ERC1: variants seen among roughly 807,000 people sequenced by gnomAD.
ERC1 encodes the protein ELKS/RAB6-interacting/CAST family member 1, also known as RAB6 interacting protein 2.
In ERC1, 56 loss-of-function variants were observed where a neutral mutation model predicts 132.0. The observed-to-expected ratio is 0.42, with a 90% CI of 0.34 to 0.53. ERC1 has a LOEUF of 0.53. ERC1 is among the 20% of genes least tolerant of loss of function. ERC1 has a pLI of 0.03. For synonymous variants in ERC1, 478 were observed against 476.1 expected (o/e 1.00, Z -0.05); for missense variants, 1,202 against 1,349.9 (o/e 0.89, Z 1.72).
chr12:1,059,825 G>A (rs541779863), intron 2 of ERC1, among the ~76,000 whole-genome samples: 3 of 152,228 alleles, frequency 2.0e-5, no homozygotes, highest in East Asian at 3.9e-4. Flanking sequence ...TCTGGTTTTC[G>A]CATCAAGGTA....
intron 6 of ERC1, among the ~76,000 whole-genome samples, chr12:1,114,212 T>C (rs992512028): frequency 3.3e-5 from 5 of 151,932 alleles, no homozygotes; most frequent in African/African-American, 1.2e-4. Context: ...TTAGTAGAGA[T>C]GGGTTTCACT....
chr12:1,296,176 A>G (rs1321046262), intron 15 of ERC1, among the ~76,000 whole-genome samples: 1 of 152,122 alleles, frequency 6.6e-6, no homozygotes, highest in East Asian at 1.9e-4. Flanking sequence ...ATGTTTTTAA[A>G]TACCAGCCAG....
At chr12:1,296,010 G>GAAAAA (rs77971645) in intron 15 of ERC1, among the ~76,000 whole-genome samples, 86 of 90,496 alleles carry the variant, frequency 9.5e-4, no homozygotes, top group African/African-American at 1.4e-3. Context: ...TGGTTTAACA[G>GAAAAA]AAAAAAAAAA....
chr12:1,039,349 AAAAT>A (rs1274790672), intron 2 of ERC1, among the ~76,000 whole-genome samples: 2 of 148,252 alleles, frequency 1.3e-5, no homozygotes, highest in African/African-American at 5.0e-5. Context: ...AAAAAAAAAA[AAAAT>A]AAAAATAAAT....
chr12:1,282,980 A>G (rs1010086310), intron 14 of ERC1, among the ~76,000 whole-genome samples: 1 of 152,180 alleles, frequency 6.6e-6, no homozygotes, highest in African/African-American at 2.4e-5. Context: ...TGGAAACTAC[A>G]AAAAGTGTTT....
intron 8 of ERC1, chr12:1,152,556 C>T (rs1319264631): frequency 1.3e-5 from 2 of 152,680 alleles, no homozygotes; most frequent in Non-Finnish European, 2.9e-5. Flanking sequence ...TGATGAACAA[C>T]ACAACCAAAA....
intron 14 of ERC1, among the ~76,000 whole-genome samples, chr12:1,278,414 A>G (rs896191195): frequency 3.3e-5 from 5 of 152,232 alleles, no homozygotes; most frequent in African/African-American, 1.2e-4. Flanking sequence ...GGAGGTTTAA[A>G]AACTCAATGT....
intron 16 of ERC1, among the ~76,000 whole-genome samples, chr12:1,395,763 C>T (rs895230659): frequency 5.3e-5 from 8 of 150,182 alleles, no homozygotes; most frequent in South Asian, 2.1e-4. Flanking sequence ...TTCTTAAGAA[C>T]GAGCAGATAG....
At chr12:1,382,143 C>T (rs1490108877) in intron 16 of ERC1, among the ~76,000 whole-genome samples, 3 of 152,190 alleles carry the variant, frequency 2.0e-5, no homozygotes, top group African/African-American at 7.2e-5. Context: ...CTAGATCCAA[C>T]TCTGTTGATA....
At chr12:1,255,639 T>TTG (rs2076758775) in intron 13 of ERC1, among the ~76,000 whole-genome samples, 1 of 133,246 alleles carries the variant, frequency 7.5e-6, no homozygotes, top group African/African-American at 2.9e-5. Flanking sequence ...TTTTTTTTTT[T>TTG]TTTTTTTTTT....
At chr12:1,302,403 G>A (rs1194478915) in intron 15 of ERC1, among the ~76,000 whole-genome samples, 2 of 152,130 alleles carry the variant, frequency 1.3e-5, no homozygotes, top group East Asian at 3.9e-4. Context: ...AATGATGTAA[G>A]CTGAACCCTG....
At chr12:1,388,999 A>C (rs1281379008) in intron 16 of ERC1, among the ~76,000 whole-genome samples, 1 of 152,180 alleles carries the variant, frequency 6.6e-6, no homozygotes, top group Non-Finnish European at 1.5e-5. Flanking sequence ...TAGCTCTTTC[A>C]GTATGAGGCC....
At chr12:1,296,216 T>C (rs1344610147) in intron 15 of ERC1, among the ~76,000 whole-genome samples, 2 of 151,944 alleles carry the variant, frequency 1.3e-5, no homozygotes, top group Non-Finnish European at 2.9e-5. Context: ...TAGTCCCAAC[T>C]ACTTGGGAGG....
In ERC1 at chr12:1,400,916, A is replaced by ATTATTATTATTATTAT. The variant is rs2090981093; in HGVS notation, c.2926-7231_2926-7230insATTATTATTATTATTT. Among the ~76,000 whole-genome samples the ATTATTATTATTATTAT allele has an allele frequency of 1.3e-4, 2 of 15,040 alleles. 1 individual carries two copies. The highest frequency in any genetic ancestry group is 6.2e-4 in the African/African-American group (2 of 3,232). The allele number at this position is 15,040 out of a possible 152,430, so 9.9% of individuals were successfully genotyped here. ...TCAATATTGTTTTGGCTATTTTTGT[A>ATTATTATTATTATTAT]TTTTTTTTTTTTTTTTTTTTTTTTT... On this transcript the variant is annotated intron_variant, in intron 16 of 18. Coordinates refer to ENST00000360905, the MANE Select transcript of ERC1 (RefSeq NM_178040.4).
At chr12:1,485,391 GAC>G (rs1484090982) in intron 18 of ERC1, among the ~76,000 whole-genome samples, 1 of 151,614 alleles carries the variant, frequency 6.6e-6, no homozygotes, top group Non-Finnish European at 1.5e-5. Context: ...TTTTAGTAGA[GAC>G]AGAGTTTCAC....
rs140148034 is a variant in ERC1 at position 1,356,021 on chromosome 12, C to T, written c.2781-15812C>T. On this transcript the variant is annotated intron_variant, in intron 15 of 18. Coordinates refer to ENST00000360905, the MANE Select transcript of ERC1 (RefSeq NM_178040.4). Reference sequence around the variant, plus strand: ...AGGAATTCAAGACCAGCCTGGGCAACGTGATGAAACCCTGTCTCTACACAC... The same window carrying T: ...AGGAATTCAAGACCAGCCTGGGCAATGTGATGAAACCCTGTCTCTACACAC... 5.5e-4 allele frequency among the ~76,000 whole-genome samples: 83 copies of T among 152,050 alleles called. 1 individual carries two copies. The East Asian group carries it at 0.015, about 28-fold the overall frequency.
rs185647186 is a variant in ERC1 at position 1,222,723 on chromosome 12, T to G, written c.2352-14046T>G. On this transcript the variant is annotated intron_variant, in intron 12 of 18. Coordinates refer to ENST00000360905, the MANE Select transcript of ERC1 (RefSeq NM_178040.4). ...ACAATAGAAGCATCCTATTTTTTCT[T>G]AAATTTGTGTGGGAGATTTTATGGT... 3.5e-4 allele frequency among the ~76,000 whole-genome samples: 53 copies of G among 152,332 alleles called. No individual in the cohort carries two copies. In the East Asian group the frequency reaches 7.1e-3, roughly 20 times the overall value.
chr12:1,289,116 CACACACACACACACAT>C (rs2079244034), intron 14 of ERC1, among the ~76,000 whole-genome samples: 1 of 145,636 alleles, frequency 6.9e-6, no homozygotes, highest in East Asian at 2.0e-4. Context: ...CACACACACA[CACACACACACACACAT>C]AACTATATAG....
chr12:1,348,704 A>C (rs2084717367), intron 15 of ERC1, among the ~76,000 whole-genome samples: 1 of 152,078 alleles, frequency 6.6e-6, no homozygotes, highest in Admixed American at 6.5e-5. Flanking sequence ...AAAAAAAAAA[A>C]AAGTATAATG....
Sources: allele counts gnomAD v4.1 joint callset (sites outside exome capture counted in the v4.1 genomes callset), GRCh38; gene constraint gnomAD v4.1.1; transcripts MANE v1.5; gene names NCBI Gene and HGNC (gene_info 2026-07-23, HGNC 2026-07-21).